Variants in PTPRN2 observed in about 807,000 individuals in gnomAD.
PTPRN2 encodes the protein receptor-type tyrosine-protein phosphatase N2.
Under a neutral mutation model 118.8 loss-of-function variants are expected in PTPRN2, and 74 were observed. The observed-to-expected ratio is 0.62, with a 90% CI of 0.52 to 0.76. The LOEUF is 0.76. Ranked by LOEUF, PTPRN2 falls within the 30% of genes least tolerant of loss-of-function variation. The pLI, the probability that PTPRN2 is intolerant of heterozygous loss-of-function variation, is 0.00. For missense variants in PTPRN2, 1,481 were observed against 1,394.4 expected (o/e 1.06, Z -0.99); for synonymous variants, 641 against 608.0 (o/e 1.05, Z -0.80).
At chr7:157,800,702 C>T (rs1805214208) in intron 12 of PTPRN2, among the ~76,000 whole-genome samples, 5 of 152,012 alleles carry the variant, frequency 3.3e-5, no homozygotes, top group Admixed American at 3.3e-4. Context: ...CCTGTAATCC[C>T]AGCACTTTGG....
intron 2 of PTPRN2, among the ~76,000 whole-genome samples, chr7:158,339,966 C>A (rs867161784): frequency 0.014 from 1,301 of 93,192 alleles, 1 homozygote; most frequent in African/African-American, 0.051. Flanking sequence ...CTCACACCCA[C>A]ACTCTCCCCA....
intron 2 of PTPRN2, among the ~76,000 whole-genome samples, chr7:158,461,065 C>G (rs1818947456): frequency 6.6e-6 from 1 of 152,230 alleles, no homozygotes; most frequent in African/African-American, 2.4e-5. Context: ...TTCCTTTCTA[C>G]TATGGAGGAT....
At chr7:158,210,602 CAAAT>C (rs140747957) in intron 3 of PTPRN2, among the ~76,000 whole-genome samples, 5,204 of 151,844 alleles carry the variant, frequency 0.034, 309 homozygotes, top group African/African-American at 0.12. Context: ...AGAAAAGACC[CAAAT>C]AAATAAAATC....
At chr7:158,527,189 C>T (rs910194954) in intron 1 of PTPRN2, among the ~76,000 whole-genome samples, 11 of 152,022 alleles carry the variant, frequency 7.2e-5, no homozygotes, top group African/African-American at 1.5e-4. Flanking sequence ...GTGTCCTTCC[C>T]GCACCGTGGG....
chr7:158,403,167 C>T (rs1260477384), intron 2 of PTPRN2, among the ~76,000 whole-genome samples: 7 of 152,192 alleles, frequency 4.6e-5, no homozygotes, highest in African/African-American at 7.2e-5. Flanking sequence ...GTTGAGCAGA[C>T]AGAATGCACG....
intron 12 of PTPRN2, among the ~76,000 whole-genome samples, chr7:157,718,739 C>A (rs1799068472): frequency 6.6e-6 from 1 of 151,964 alleles, no homozygotes; most frequent in African/African-American, 2.4e-5. Flanking sequence ...GGTGACACTG[C>A]AGCCACTCTC....
chr7:157,646,109 C>A (rs1421606537), intron 14 of PTPRN2, among the ~76,000 whole-genome samples: 2 of 152,214 alleles, frequency 1.3e-5, no homozygotes, highest in Non-Finnish European at 2.9e-5. Flanking sequence ...TGAATGCCAA[C>A]TGTTTGCCAG....
At chr7:158,419,815 G>A (rs771359439) in intron 2 of PTPRN2, among the ~76,000 whole-genome samples, 4 of 152,056 alleles carry the variant, frequency 2.6e-5, no homozygotes, top group African/African-American at 7.2e-5. Flanking sequence ...TCAGCACTTC[G>A]TTATTTTATT....
At chr7:157,605,679 G>A (rs186643852) in intron 15 of PTPRN2, among the ~76,000 whole-genome samples, 64 of 152,326 alleles carry the variant, frequency 4.2e-4, no homozygotes, top group Middle Eastern at 3.4e-3. Context: ...AGGGGGTCCC[G>A]ATGAGTGTTC....
At chr7:157,778,736 C>A (rs373790020) in intron 12 of PTPRN2, among the ~76,000 whole-genome samples, 1 of 149,364 alleles carries the variant, frequency 6.7e-6, no homozygotes, top group African/African-American at 2.5e-5. Context: ...ATACAGGTGC[C>A]GAATGCCCAC....
At chr7:158,289,474 G>A (rs1174998453) in intron 3 of PTPRN2, among the ~76,000 whole-genome samples, 1 of 151,966 alleles carries the variant, frequency 6.6e-6, no homozygotes, top group African/African-American at 2.4e-5. Context: ...TTCATTTATT[G>A]TGTTTTCCAC....
At chr7:157,707,152 A>G (rs965383605) in intron 12 of PTPRN2, among the ~76,000 whole-genome samples, 1 of 152,066 alleles carries the variant, frequency 6.6e-6, no homozygotes, top group African/African-American at 2.4e-5. Context: ...TTGTCCTTTT[A>G]TACACAGCAC....
intron 11 of PTPRN2, among the ~76,000 whole-genome samples, chr7:158,016,183 T>C (rs766786682): frequency 1.3e-5 from 2 of 152,054 alleles, no homozygotes; most frequent in Non-Finnish European, 2.9e-5. Flanking sequence ...TGATTCCGAG[T>C]CTCTCATACA....
At chr7:158,229,735 G>C (rs936914022) in intron 3 of PTPRN2, among the ~76,000 whole-genome samples, 1 of 151,978 alleles carries the variant, frequency 6.6e-6, no homozygotes, top group African/African-American at 2.4e-5. Flanking sequence ...AAGACCACTT[G>C]CAAGACAGAA....
At chr7:158,218,149 C>T (rs1460751736) in intron 3 of PTPRN2, among the ~76,000 whole-genome samples, 4 of 152,090 alleles carry the variant, frequency 2.6e-5, no homozygotes, top group Non-Finnish European at 4.4e-5. Context: ...ATCAGATTCT[C>T]CAAGGTTGTT....
intron 11 of PTPRN2, among the ~76,000 whole-genome samples, chr7:158,057,167 T>C (rs935233599): frequency 1.3e-5 from 2 of 152,176 alleles, no homozygotes; most frequent in South Asian, 4.1e-4. Context: ...TTATGATAAA[T>C]ACAGAAATGA....
At chr7:158,489,577 G>A (rs1821283550) in intron 2 of PTPRN2, among the ~76,000 whole-genome samples, 158 bp downstream of exon 2, 1 of 152,212 alleles carries the variant, frequency 6.6e-6, no homozygotes, top group South Asian at 2.1e-4. Context: ...CACCGAGGCC[G>A]CAGCCCATGG....
chr7:158,582,147 A>G (rs1828655769), intron 1 of PTPRN2, among the ~76,000 whole-genome samples: 1 of 152,172 alleles, frequency 6.6e-6, no homozygotes, highest in Admixed American at 6.5e-5. Flanking sequence ...CTGGCCTTCT[A>G]TCAACTAAGA....
At chr7:157,830,591 G>A (rs7778532) in intron 12 of PTPRN2, among the ~76,000 whole-genome samples, 20,602 of 152,150 alleles carry the variant, frequency 0.14, 2,637 homozygotes, top group African/African-American at 0.33. Flanking sequence ...CACAGCTGCC[G>A]GAGGCACACA....
Sources: gnomAD v4.1 joint callset for allele counts (sites outside exome capture counted in the v4.1 genomes callset) on GRCh38, gnomAD v4.1.1 for gene constraint, MANE v1.5 for transcripts, NCBI Gene and HGNC (gene_info 2026-07-23, HGNC 2026-07-21) for gene names.